ST8SIA1: variants seen among roughly 807,000 people sequenced by gnomAD.
ST8SIA1 encodes the protein ST8 alpha-N-acetyl-neuraminide alpha-2,8-sialyltransferase 1.
Under a neutral mutation model 35.9 loss-of-function variants are expected in ST8SIA1, and 16 were observed. The ratio of observed to expected loss-of-function variants is 0.45; its 90% CI spans 0.30 to 0.68. ST8SIA1 has a LOEUF of 0.68. ST8SIA1 is among the 30% of genes least tolerant of loss of function. ST8SIA1 has a pLI of 0.09. For synonymous variants in ST8SIA1, 170 were observed against 169.6 expected (o/e 1.00, Z -0.02); for missense variants, 383 against 453.6 (o/e 0.84, Z 1.41).
At chr12:22,289,291 A>G (rs1866145967) in intron 1 of ST8SIA1, among the ~76,000 whole-genome samples, 1 of 130,338 alleles carries the variant, frequency 7.7e-6, no homozygotes, top group Non-Finnish European at 1.7e-5. Flanking sequence ...GGGTATGGTT[A>G]TTATTATTAT....
chr12:22,288,394 T>C (rs1362770192), intron 1 of ST8SIA1, among the ~76,000 whole-genome samples: 3 of 152,176 alleles, frequency 2.0e-5, no homozygotes, highest in Non-Finnish European at 2.9e-5. Context: ...TATGAGACTT[T>C]CGTTGAGAGT....
At chr12:22,248,772 G>T (rs545056204) in intron 4 of ST8SIA1, 1 of 446,502 alleles carries the variant, frequency 2.2e-6, no homozygotes, top group East Asian at 3.6e-5. Context: ...TGATCTTCTT[G>T]TTATTTCTAT....
Position 22,202,055 on chromosome 12 carries a change from A to G in ST8SIA1, c.585-17T>C. The G allele has an allele frequency of 1.3e-6, 2 of 1,548,262 alleles. No individual in the cohort carries two copies. The highest frequency in any genetic ancestry group is 1.7e-6 in the Non-Finnish European group (2 of 1,157,772). On this transcript the variant is annotated splice_polypyrimidine_tract_variant and intron_variant, in intron 4 of 4. Transcript: ENST00000396037. ...TTCTGAAACCTATTGAAGAAAAAAA[A>G]AACTGTTCAATTAAACCTAGAGAAA...
rs770504437 is a variant in ST8SIA1 at position 22,202,075 on chromosome 12, G to GAGAAAA, written c.585-43_585-38dup. 7.9e-6 allele frequency: 12 copies of GAGAAAA among 1,523,976 alleles called. No homozygotes were observed. In the African/African-American group the frequency reaches 1.3e-4, roughly 16 times the overall value. The allele number at this position is 1,523,976 out of a possible 1,614,324, so 94.4% of individuals were successfully genotyped here. A position where few individuals can be genotyped will look rare whatever the true frequency, so the allele number is the denominator to read the frequency against. On this transcript the variant is annotated intron_variant, in intron 4 of 4. Coordinates refer to ENST00000396037, the MANE Select transcript of ST8SIA1 (RefSeq NM_003034.4). ...AAAAAAAACTGTTCAATTAAACCTA[G>GAGAAAA]AGAAAAAGAAACTCACCAAAACCCA...
At chr12:22,255,211 C>G in intron 3 of ST8SIA1, 69 bp downstream of exon 3, 1 of 1,291,940 alleles carries the variant, frequency 7.7e-7, no homozygotes, top group Non-Finnish European at 1.1e-6. Context: ...TTGAAAAGCC[C>G]CAGGGCTTAT....
chr12:22,309,476 C>A (rs1866424406), intron 1 of ST8SIA1, among the ~76,000 whole-genome samples: 1 of 152,148 alleles, frequency 6.6e-6, no homozygotes, highest in Non-Finnish European at 1.5e-5. Flanking sequence ...AACACCACTG[C>A]TTTTTGCACA....
rs1038209320 is a variant in ST8SIA1 at position 22,334,319 on chromosome 12, C to A, written c.-87G>T. 2.0e-6 allele frequency: 2 copies of A among 1,002,688 alleles called. No homozygotes were observed. Among genetic ancestry groups the A allele is most frequent in the South Asian group, 2.9e-5 (2 of 68,970 alleles). 62.1% of individuals were successfully genotyped at this position (1,002,688 alleles called of 1,614,324 possible). A position where few individuals can be genotyped will look rare whatever the true frequency, so the allele number is the denominator to read the frequency against. On this transcript the variant is annotated 5_prime_UTR_variant, in exon 1 of 5. Coordinates refer to ENST00000396037, the MANE Select transcript of ST8SIA1 (RefSeq NM_003034.4). Reference sequence around the variant, plus strand: ...AGCGGAGGGTCCCCCACCGCCAGCCCCCCATGCACACACACCTTTGGTTCT... The same window carrying A: ...AGCGGAGGGTCCCCCACCGCCAGCCACCCATGCACACACACCTTTGGTTCT...
chr12:22,216,136 T>C (rs1865231500), intron 4 of ST8SIA1, among the ~76,000 whole-genome samples: 2 of 152,108 alleles, frequency 1.3e-5, no homozygotes, highest in South Asian at 2.1e-4. Flanking sequence ...AGTACCACAG[T>C]TTAATTTCAG....
chr12:22,201,804 C>T lies in ST8SIA1; in HGVS notation c.819G>A (p.Leu273=), dbSNP rs148302271. The T allele has an allele frequency of 5.0e-6, 8 of 1,614,032 alleles. No homozygotes were observed. The highest frequency in any genetic ancestry group is 1.1e-5 in the South Asian group (1 of 91,090). ...CGCTCACCAGAAAAAGTCCTGTGGA[C>T]AGGCGCTTGGCATGGATTCCTCTAC... ...WKSRGIHAKR[L]STGLFLVSAA... is the part of the protein sequence containing the mutation. Residue 273 remains leucine (L), a synonymous_variant, in exon 5 of 5, where the codon CTG becomes CTA. Coordinates refer to ENST00000396037, the MANE Select transcript of ST8SIA1 (RefSeq NM_003034.4).
intron 1 of ST8SIA1, among the ~76,000 whole-genome samples, chr12:22,305,928 C>T (rs1033607440): frequency 6.6e-6 from 1 of 152,096 alleles, no homozygotes; most frequent in Non-Finnish European, 1.5e-5. Flanking sequence ...GCAGTCTAGT[C>T]CACAGGCAGT....
At chr12:22,273,788 A>G (rs1865939057) in intron 2 of ST8SIA1, among the ~76,000 whole-genome samples, 1 of 152,152 alleles carries the variant, frequency 6.6e-6, no homozygotes, top group African/African-American at 2.4e-5. Flanking sequence ...AATTTATTGA[A>G]TCTCTACCAT....
At chr12:22,266,655 AGCATCATG>A (rs1333529523) in intron 2 of ST8SIA1, among the ~76,000 whole-genome samples, 1 of 151,938 alleles carries the variant, frequency 6.6e-6, no homozygotes, top group Non-Finnish European at 1.5e-5. Flanking sequence ...TAATTAGCCT[AGCATCATG>A]GCATGGACGT....
intron 4 of ST8SIA1, among the ~76,000 whole-genome samples, chr12:22,225,702 G>C (rs1400090504): frequency 1.9e-4 from 29 of 152,120 alleles, no homozygotes; most frequent in Admixed American, 1.6e-3. Context: ...ATGTTTTCTT[G>C]CTTTATTTCA....
intron 1 of ST8SIA1, among the ~76,000 whole-genome samples, chr12:22,295,158 T>C (rs1008500006): frequency 3.9e-5 from 6 of 152,096 alleles, no homozygotes; most frequent in African/African-American, 1.4e-4. Context: ...CTTGGGTGAA[T>C]TGGGAAAGAT....
intron 4 of ST8SIA1, among the ~76,000 whole-genome samples, chr12:22,215,688 T>C (rs1865226977): frequency 6.6e-6 from 1 of 152,198 alleles, no homozygotes; most frequent in Admixed American, 6.5e-5. Context: ...TGCACAACCA[T>C]CCATCAGTGA....
chr12:22,292,539 G>A (rs1413735548), intron 1 of ST8SIA1, among the ~76,000 whole-genome samples: 2 of 151,084 alleles, frequency 1.3e-5, no homozygotes, highest in Admixed American at 1.3e-4. Flanking sequence ...AACAAAATGT[G>A]GCATATATAT....
chr12:22,216,450 T>C (rs1300319074), intron 4 of ST8SIA1, among the ~76,000 whole-genome samples: 1 of 152,184 alleles, frequency 6.6e-6, no homozygotes, highest in African/African-American at 2.4e-5. Flanking sequence ...CACATGCTAC[T>C]TGTTCTGTCT....
chr12:22,246,688 A>T (rs957244968), intron 4 of ST8SIA1, among the ~76,000 whole-genome samples: 4 of 152,086 alleles, frequency 2.6e-5, no homozygotes, highest in African/African-American at 7.2e-5. Context: ...TCACTGGTTG[A>T]GAGCACGGGC....
chr12:22,321,143 A>G (rs1167467198), intron 1 of ST8SIA1, among the ~76,000 whole-genome samples: 10 of 152,070 alleles, frequency 6.6e-5, no homozygotes, highest in Non-Finnish European at 1.2e-4. Context: ...GCACTCCTGG[A>G]TGTTTTCTCT....
Sources: gnomAD v4.1 joint callset for allele counts (sites outside exome capture counted in the v4.1 genomes callset) on GRCh38, gnomAD v4.1.1 for gene constraint, MANE v1.5 for transcripts, NCBI Gene and HGNC (gene_info 2026-07-23, HGNC 2026-07-21) for gene names.